The following COL4A6 variants were observed in gnomAD, a reference collection of about 807,000 sequenced individuals.
The protein encoded by COL4A6 is collagen alpha-6(IV) chain.
COL4A6 carries 59 observed loss-of-function variants against 126.7 expected under a neutral mutation model. The ratio of observed to expected loss-of-function variants is 0.47; its 90% CI spans 0.38 to 0.58. The LOEUF (loss-of-function observed/expected upper bound fraction) is 0.58, where lower values mean the gene tolerates loss of function less well. Ranked by LOEUF, COL4A6 falls within the 20% of genes least tolerant of loss-of-function variation. The probability of loss-of-function intolerance (pLI) is 0.00; values close to 1 mark genes in which losing one functional copy is unlikely to be tolerated. For missense variants in COL4A6, 1,285 were observed against 1,337.3 expected (o/e 0.96, Z 0.61); for synonymous variants, 547 against 496.6 (o/e 1.10, Z -1.35).
intron 2 of COL4A6, among the ~76,000 whole-genome samples, chrX:108,363,491 C>T (rs964321582): frequency 7.1e-5 from 8 of 111,913 alleles, no homozygotes; most frequent in Middle Eastern, 4.6e-3. Context: ...ATTTTCAGCC[C>T]CCAAACACAG....
At chrX:108,346,660 A>G (rs1316713651) in intron 2 of COL4A6, among the ~76,000 whole-genome samples, 1 of 112,667 alleles carries the variant, frequency 8.9e-6, no homozygotes, top group East Asian at 2.8e-4. Context: ...GCTAATTGAT[A>G]CAAACAAGAG....
intron 2 of COL4A6, among the ~76,000 whole-genome samples, chrX:108,368,973 T>A (rs1424515967): frequency 8.9e-6 from 1 of 111,956 alleles, no homozygotes; most frequent in South Asian, 3.7e-4. Flanking sequence ...TACAGTAAAC[T>A]TTTTTGTTTC....
chrX:108,256,119 A>G (rs1017660122), intron 3 of COL4A6, among the ~76,000 whole-genome samples: 2 of 112,284 alleles, frequency 1.8e-5, no homozygotes, highest in African/African-American at 6.5e-5. Context: ...CCACACGGGT[A>G]AATCTTTTGT....
intron 6 of COL4A6, among the ~76,000 whole-genome samples, chrX:108,212,046 C>G (rs1425549955): frequency 1.8e-5 from 2 of 111,473 alleles, no homozygotes; most frequent in Non-Finnish European, 3.8e-5. Flanking sequence ...CCACAAATAA[C>G]TCATGTAATG....
chrX:108,181,069 G>C (rs770016061), intron 23 of COL4A6, 101 bp from the exon 24 acceptor site: 2 of 716,839 alleles, frequency 2.8e-6, no homozygotes, highest in African/African-American at 4.3e-5. Context: ...GGACAGCCAA[G>C]CTCTTCCCAC....
chrX:108,187,868 G>A lies in COL4A6; in HGVS notation c.1747C>T (p.Pro583Ser), dbSNP rs779562158. The change falls in exon 22 of 45, where the codon CCA (proline) becomes TCA (serine). Residue 583 changes from proline (P) to serine (S), a missense_variant. Pro to Ser is a moderately conservative substitution (Grantham distance 74). Transcript: ENST00000334504. ...EPGKDGVPGL[P>S]GLPGLPGDGG... ...CTTACCGGAAGGCCTGGCAGACCTG[G>A]TAAACCTGGTACTCCGTCCTTGCCT... 8.3e-7 allele frequency: 1 copy of A among 1,207,329 alleles called. No homozygotes were observed. Among genetic ancestry groups the A allele is most frequent in the South Asian group, 1.8e-5 (1 of 56,086 alleles).
In COL4A6 at chrX:108,176,916, G is replaced by A. The variant is rs761645778; in HGVS notation, c.2611C>T (p.Pro871Ser). The A allele has an allele frequency of 8.3e-7, 1 of 1,211,754 alleles. No homozygotes were observed. The highest frequency in any genetic ancestry group is 1.1e-6 in the Non-Finnish European group (1 of 895,380). Residue 871 changes from proline (P) to serine (S), a missense_variant, in exon 28 of 45, where the codon CCA becomes TCA. By Grantham distance (74) the Pro-to-Ser change is moderately conservative. Transcript: ENST00000334504. ...LPGLKGLPGN[P>S]GLVGLKGSPG... is the part of the protein sequence containing the mutation. Reference sequence around the variant, plus strand: ...CTTCCTTTCAGTCCTACTAGGCCTGGATTTCCAGGAAGGCCTTTTAGCCCT... The same window carrying A: ...CTTCCTTTCAGTCCTACTAGGCCTGAATTTCCAGGAAGGCCTTTTAGCCCT...
At chrX:108,438,544 A>G, upstream of COL4A6, 1 of 815,668 alleles carries the variant, frequency 1.2e-6, no homozygotes. Flanking sequence ...TTTCCACACA[A>G]CAGCCCTAAG....
intron 2 of COL4A6, among the ~76,000 whole-genome samples, chrX:108,365,597 A>T (rs771936798): frequency 3.6e-5 from 4 of 112,312 alleles, no homozygotes; most frequent in Non-Finnish European, 5.6e-5. Context: ...AATAGTTTTC[A>T]GTAGCAAGAC....
chrX:108,180,735 T>C, intron 24 of COL4A6, 113 bp from the exon 25 acceptor site: 1 of 772,121 alleles, frequency 1.3e-6, no homozygotes, highest in Non-Finnish European at 1.9e-6. Context: ...TTGTCTCACC[T>C]CCCCACACTG....
chrX:108,187,089 G>C lies in COL4A6; in HGVS notation c.1951+7C>G. 1 of 1,125,797 alleles carries C rather than the reference G, an allele frequency of 8.9e-7. No homozygotes were observed. Among genetic ancestry groups the C allele is most frequent in the Non-Finnish European group, 1.2e-6 (1 of 845,797 alleles). The allele number at this position is 1,125,797 out of a possible 1,213,427, so 92.8% of individuals were successfully genotyped here. A position where few individuals can be genotyped will look rare whatever the true frequency, so the allele number is the denominator to read the frequency against. On this transcript the variant is annotated splice_region_variant and intron_variant, in intron 23 of 44. Coordinates refer to ENST00000334504, the MANE Select transcript of COL4A6 (RefSeq NM_033641.4). ...CAAGTCCAAAGCCATCTGATTCTAT[G>C]ACTCACCCTTAGATCCGGGAAGGCC...
At chrX:108,266,466 A>G (rs1045875311) in intron 3 of COL4A6, among the ~76,000 whole-genome samples, 5 of 111,473 alleles carry the variant, frequency 4.5e-5, no homozygotes, top group Admixed American at 9.6e-5. Context: ...TATTTTCACT[A>G]TTATCTTTCC....
At chrX:108,177,454 C>T (rs1308174849) in intron 27 of COL4A6, among the ~76,000 whole-genome samples, 1 of 111,569 alleles carries the variant, frequency 9.0e-6, no homozygotes, top group Non-Finnish European at 1.9e-5. Flanking sequence ...TTGTTTCAGC[C>T]TCCCAGGGAG....
chrX:108,393,069 A>T (rs2040872595), intron 2 of COL4A6, among the ~76,000 whole-genome samples: 1 of 111,932 alleles, frequency 8.9e-6, no homozygotes, highest in Non-Finnish European at 1.9e-5. Context: ...TTTGAAAAAT[A>T]GCCTGGTAGC....
intron 3 of COL4A6, among the ~76,000 whole-genome samples, chrX:108,266,512 A>G (rs2037306490): frequency 9.0e-6 from 1 of 111,542 alleles, no homozygotes; most frequent in Non-Finnish European, 1.9e-5. Flanking sequence ...TTTCACTATT[A>G]TCTTTCTCAT....
intron 37 of COL4A6, among the ~76,000 whole-genome samples, chrX:108,167,405 G>A (rs891681895): frequency 2.7e-5 from 3 of 111,418 alleles, no homozygotes; most frequent in African/African-American, 9.8e-5. Flanking sequence ...GATGTGGTCA[G>A]GACTCACTGC....
chrX:108,192,378 G>C (rs1386473512), intron 18 of COL4A6, 95 bp downstream of exon 18: 1 of 575,229 alleles, frequency 1.7e-6, no homozygotes, highest in African/African-American at 2.3e-5. Flanking sequence ...ACTTTGGCTA[G>C]GTGTGTGCCC....
intron 13 of COL4A6, among the ~76,000 whole-genome samples, chrX:108,199,151 A>T (rs1456660685): frequency 9.0e-6 from 1 of 111,007 alleles, no homozygotes; most frequent in East Asian, 2.8e-4. Context: ...GTCTCTTACA[A>T]AGATTTGGAC....
At chrX:108,438,485 C>T, upstream of COL4A6, 1 of 991,945 alleles carries the variant, frequency 1.0e-6, no homozygotes, top group Non-Finnish European at 1.3e-6. Context: ...TGCTGTCAAT[C>T]ATCCCCCCTA....
Sources: allele counts gnomAD v4.1 joint callset (sites outside exome capture counted in the v4.1 genomes callset), GRCh38; gene constraint gnomAD v4.1.1; transcripts MANE v1.5; gene names NCBI Gene and HGNC (gene_info 2026-07-23, HGNC 2026-07-21).